The following FOLR2 variants were observed in gnomAD, a reference collection of about 807,000 sequenced individuals.
The protein encoded by FOLR2 is folate receptor beta.
Under a neutral mutation model 20.4 loss-of-function variants are expected in FOLR2, and 14 were observed. The observed-to-expected ratio is 0.68, with a 90% CI of 0.45 to 1.07. The LOEUF (loss-of-function observed/expected upper bound fraction) is 1.07, where lower values mean the gene tolerates loss of function less well. Ranked by LOEUF, FOLR2 falls within the 50% of genes least tolerant of loss-of-function variation. The probability of loss-of-function intolerance (pLI) is 0.00; values close to 1 mark genes in which losing one functional copy is unlikely to be tolerated. For synonymous variants in FOLR2, 114 were observed against 114.3 expected, an observed-to-expected ratio of 1.00 and a Z score of 0.02; for missense variants, 269 against 322.6, an observed-to-expected ratio of 0.83 and a Z score of 1.27.
At chr11:72,219,598 T>C (rs972950252) in intron 2 of FOLR2, among the ~76,000 whole-genome samples, 4 of 152,194 alleles carry the variant, frequency 2.6e-5, no homozygotes, top group African/African-American at 9.6e-5. Context: ...GAGCTACAAA[T>C]GAAGATTGAT....
Position 72,221,815 on chromosome 11 carries a change from A to G in FOLR2, c.*53A>G. 6.5e-7 allele frequency: 1 copy of G among 1,549,560 alleles called. No homozygotes were observed. Among genetic ancestry groups the G allele is most frequent in the South Asian group, 1.2e-5 (1 of 84,260 alleles). ...CAGCTTGGATAACCAGGCTGGGCTC[A>G]GCTCAGCTCCCACAAATGACAGCCC... On this transcript the variant is annotated 3_prime_UTR_variant, in exon 5 of 5. Transcript: ENST00000298223.
chr11:72,221,853 T>C lies in FOLR2; in HGVS notation c.*91T>C, dbSNP rs1431544751. On this transcript the variant is annotated 3_prime_UTR_variant, in exon 5 of 5. Transcript: ENST00000298223. ...CAAATGACAGCCCCTTAAGCATGCT[T>C]CTATTAGTCACCTAACCCTCTGTCA... The C allele has an allele frequency of 2.6e-5, 33 of 1,264,812 alleles. No homozygotes were observed. The East Asian group carries it at 8.2e-4, about 31-fold the overall frequency. 78.3% of individuals were successfully genotyped at this position (1,264,812 alleles called of 1,614,324 possible).
intron 2 of FOLR2, 49 bp downstream of exon 2, chr11:72,218,783 G>C (rs1406628907): frequency 1.3e-6 from 2 of 1,525,760 alleles, no homozygotes; most frequent in Middle Eastern, 1.7e-4. Context: ...TTCTAACAGG[G>C]AGGAGAAAGT....
Position 72,221,067 on chromosome 11 carries a change from T to TCCA in FOLR2, c.339+10_339+11insCAC. On this transcript the variant is annotated intron_variant, in intron 3 of 4. Transcript: ENST00000298223. Reference sequence around the variant, plus strand: ...GGCCCTGGATCCAGCAGGTAGGGTGTCTCCCCCCCACCCACCCCAGCAGAC... The same window carrying TCCA: ...GGCCCTGGATCCAGCAGGTAGGGTGTCCACTCCCCCCCACCCACCCCAGCAGAC... 1.3e-6 allele frequency: 2 copies of TCCA among 1,570,116 alleles called. No individual in the cohort carries two copies. Among genetic ancestry groups the TCCA allele is most frequent in the Non-Finnish European group, 1.7e-6 (2 of 1,154,914 alleles).
At chr11:72,217,865 T>A (rs893014695) in intron 1 of FOLR2, among the ~76,000 whole-genome samples, 17 of 152,084 alleles carry the variant, frequency 1.1e-4, no homozygotes, top group African/African-American at 4.1e-4. Context: ...GTCTATATCA[T>A]TCTCATCTGC....
At chr11:72,218,267 A>G (rs1320442730) in intron 1 of FOLR2, among the ~76,000 whole-genome samples, 1 of 152,212 alleles carries the variant, frequency 6.6e-6, no homozygotes, top group Non-Finnish European at 1.5e-5. Context: ...ATTACTTGTC[A>G]TAGATAAAGC....
Position 72,221,781 on chromosome 11 carries a change from A to G in FOLR2, c.*19A>G, listed in dbSNP as rs746999934. 1.2e-5 allele frequency: 20 copies of G among 1,605,772 alleles called. No individual in the cohort carries two copies. The highest frequency in any genetic ancestry group is 1.7e-5 in the Non-Finnish European group (20 of 1,174,342). ...TGGCTGAGTTCAGTCCTCCCAGACT[A>G]CCTGCCCTCAGCTTGGATAACCAGG... On this transcript the variant is annotated 3_prime_UTR_variant, in exon 5 of 5. Transcript: ENST00000298223.
Position 72,218,818 on chromosome 11 carries a change from G to A in FOLR2, c.150+84G>A, listed in dbSNP as rs541275940. ...TCAGGATGGTGGGAGAGGGATTGAGGGGTCAGATACCTCCACATCCTGAAG... is the reference window on the plus strand; with the variant it reads ...TCAGGATGGTGGGAGAGGGATTGAGAGGTCAGATACCTCCACATCCTGAAG... On this transcript the variant is annotated intron_variant, in intron 2 of 4. Coordinates refer to ENST00000298223, the MANE Select transcript of FOLR2 (RefSeq NM_000803.5). 95 of 1,169,944 alleles carry A rather than the reference G, an allele frequency of 8.1e-5. 1 individual carries two copies. The South Asian group carries it at 1.3e-3, about 16-fold the overall frequency. 72.5% of individuals were successfully genotyped at this position (1,169,944 alleles called of 1,614,324 possible).
At chr11:72,217,013 T>C in intron 1 of FOLR2, 88 bp downstream of exon 1, 2 of 1,162,836 alleles carry the variant, frequency 1.7e-6, no homozygotes, top group East Asian at 5.6e-5. Flanking sequence ...CCTTTCTTTC[T>C]GTATTGTATT....
rs1169938440 is a variant in FOLR2, at chr11:72,221,690, T to C, written c.696T>C (p.Gly232=). The change falls in exon 5 of 5, where the codon GGT becomes GGC. Residue 232 remains glycine (G), a synonymous_variant. Transcript: ENST00000298223. ...CTGCAGCCATGCATGTGAATGCTGGTGAGATGCTTCATGGGACTGGGGGTC... is the reference window on the plus strand; with the variant it reads ...CTGCAGCCATGCATGTGAATGCTGGCGAGATGCTTCATGGGACTGGGGGTC... ...FYAAAMHVNA[G]EMLHGTGGLL... The C allele has an allele frequency of 6.2e-7, 1 of 1,612,846 alleles. No homozygotes were observed. Among genetic ancestry groups the C allele is most frequent in the Non-Finnish European group, 8.5e-7 (1 of 1,178,834 alleles).
At chr11:72,218,875 G>A (rs1948437837) in intron 2 of FOLR2, 141 bp downstream of exon 2, 1 of 719,808 alleles carries the variant, frequency 1.4e-6, no homozygotes, top group Admixed American at 2.5e-5. Flanking sequence ...AGGTGGAGTA[G>A]GAAGAGTGGC....
chr11:72,221,779 C>G lies in FOLR2; in HGVS notation c.*17C>G. 2 of 1,606,830 alleles carry G rather than the reference C, an allele frequency of 1.2e-6. No homozygotes were observed. The highest frequency in any genetic ancestry group is 1.3e-5 in the African/African-American group (1 of 74,958). ...CTTGGCTGAGTTCAGTCCTCCCAGACTACCTGCCCTCAGCTTGGATAACCA... is the reference window on the plus strand; with the variant it reads ...CTTGGCTGAGTTCAGTCCTCCCAGAGTACCTGCCCTCAGCTTGGATAACCA... On this transcript the variant is annotated 3_prime_UTR_variant, in exon 5 of 5. Transcript: ENST00000298223.
chr11:72,217,624 A>G (rs1176332819), intron 1 of FOLR2, among the ~76,000 whole-genome samples: 18 of 152,184 alleles, frequency 1.2e-4, no homozygotes, highest in Non-Finnish European at 2.9e-5. Flanking sequence ...GGCTGCTCCA[A>G]CATGGGAAAC....
Position 72,221,503 on chromosome 11 carries a change from G to T in FOLR2, c.509G>T (p.Arg170Leu). The T allele has an allele frequency of 6.2e-7, 1 of 1,613,892 alleles. No homozygotes were observed. Among genetic ancestry groups the T allele is most frequent in the Non-Finnish European group, 8.5e-7 (1 of 1,179,882 alleles). The stretch of plus-strand genomic sequence containing the variant: ...AAGTGCCCAGCTGGGGCTCTCTGCC[G>T]CACCTTTGAGTCCTACTTCCCCACT... ...VNKCPAGALCRTFESYFPTPA... is the reference protein window; with the variant it reads ...VNKCPAGALCLTFESYFPTPA... Residue 170 changes from arginine (R) to leucine (L), a missense_variant, in exon 5 of 5, where the codon CGC (arginine) becomes CTC (leucine). Arg to Leu is a moderately radical substitution (Grantham distance 102). Transcript: ENST00000298223.
In FOLR2 at chr11:72,218,698, G is replaced by A; in HGVS notation, c.114G>A (p.Lys38=). 1 of 1,612,590 alleles carries A rather than the reference G, an allele frequency of 6.2e-7. No homozygotes were observed. Among genetic ancestry groups the A allele is most frequent in the African/African-American group, 1.3e-5 (1 of 75,054 alleles). ...TCTGTATGGATGCCAAGCACCACAA[G>A]ACAAAGCCAGGTCCTGAGGACAAGC... The part of the protein sequence containing the change: ...LNVCMDAKHH[K]TKPGPEDKLH... Residue 38 remains lysine (K), a synonymous_variant, in exon 2 of 5, where the codon AAG becomes AAA. Transcript: ENST00000298223.
intron 2 of FOLR2, among the ~76,000 whole-genome samples, chr11:72,218,986 T>G (rs545305345): frequency 6.6e-6 from 1 of 152,364 alleles, no homozygotes; most frequent in East Asian, 1.9e-4. Flanking sequence ...ATGTGTTTTT[T>G]GTACAAAATT....
At chr11:72,220,440 T>G (rs1948465021) in intron 2 of FOLR2, among the ~76,000 whole-genome samples, 2 of 152,224 alleles carry the variant, frequency 1.3e-5, no homozygotes, top group African/African-American at 2.4e-5. Context: ...TTTTTAAGTT[T>G]CTTACTGTCT....
intron 2 of FOLR2, among the ~76,000 whole-genome samples, chr11:72,220,289 C>G (rs974843089): frequency 2.6e-5 from 4 of 152,260 alleles, no homozygotes; most frequent in African/African-American, 9.6e-5. Context: ...CGCTCCCTCT[C>G]TTCCTTTGCT....
chr11:72,217,915 G>C (rs1948418282), intron 1 of FOLR2, among the ~76,000 whole-genome samples: 1 of 152,084 alleles, frequency 6.6e-6, no homozygotes, highest in African/African-American at 2.4e-5. Flanking sequence ...TGCTGCATTA[G>C]CCCAGAGACA....
Sources: allele counts gnomAD v4.1 joint callset (sites outside exome capture counted in the v4.1 genomes callset), GRCh38; gene constraint gnomAD v4.1.1; transcripts MANE v1.5; gene names NCBI Gene and HGNC (gene_info 2026-07-23, HGNC 2026-07-21).